TBCD: variants seen among roughly 807,000 people sequenced by gnomAD.
The protein encoded by TBCD is tubulin folding cofactor D, also known as tubulin-specific chaperone D.
TBCD carries 105 observed loss-of-function variants against 169.3 expected under a neutral mutation model. The ratio of observed to expected loss-of-function variants is 0.62; its 90% CI spans 0.53 to 0.73. The LOEUF is 0.73. Ranked by LOEUF, TBCD falls within the 30% of genes least tolerant of loss-of-function variation. TBCD has a pLI of 0.00. For missense variants in TBCD, 1,444 were observed against 1,600.1 expected (o/e 0.90, Z 1.66); for synonymous variants, 700 against 643.9 (o/e 1.09, Z -1.32).
In TBCD at chr17:82,923,945, G is replaced by A. The variant is rs1036213027; in HGVS notation, c.2260+212G>A. 3.5e-4 allele frequency among the ~76,000 whole-genome samples: 53 copies of A among 152,248 alleles called. No individual in the cohort carries two copies. Among genetic ancestry groups the A allele is most frequent in the African/African-American group, 1.3e-3 (52 of 41,540 alleles). On this transcript the variant is annotated intron_variant, in intron 26 of 38. Coordinates refer to ENST00000355528, the MANE Select transcript of TBCD (RefSeq NM_005993.5). This position sits in a 1 kb window ranked among gnomAD's most constrained non-coding sequence, Gnocchi z 4.6. Reference sequence around the variant, plus strand: ...AGGATGTTGCATCAGCTCTGAACAGGTGGCTCAGCAGGGACGCGTCTCTGT... The same window carrying A: ...AGGATGTTGCATCAGCTCTGAACAGATGGCTCAGCAGGGACGCGTCTCTGT...
At position 82,824,763 on chromosome 17, in the gene TBCD, C is replaced by T. The variant is rs1362097649; in HGVS notation, c.1318+9829C>T. 3.3e-5 allele frequency among the ~76,000 whole-genome samples: 5 copies of T among 151,792 alleles called. No individual in the cohort carries two copies. In the South Asian group the frequency reaches 8.3e-4, roughly 25 times the overall value. Reference sequence around the variant, plus strand: ...GACATGGATACAAGAACCTGTTTGACACCCCTTTTTTTAGTTCCTTTGGGT... The same window carrying T: ...GACATGGATACAAGAACCTGTTTGATACCCCTTTTTTTAGTTCCTTTGGGT... On this transcript the variant is annotated intron_variant, in intron 13 of 38. Coordinates refer to ENST00000355528, the MANE Select transcript of TBCD (RefSeq NM_005993.5).
chr17:82,866,498 G>A (rs993231571), intron 13 of TBCD, among the ~76,000 whole-genome samples: 1 of 152,250 alleles, frequency 6.6e-6, no homozygotes, highest in Non-Finnish European at 1.5e-5. Context: ...CAGCAGCCAG[G>A]CCTTGGCAGC....
In TBCD at chr17:82,831,862, G is replaced by T; in HGVS notation, c.1318+16928G>T. The T allele has an allele frequency of 6.2e-7, 1 of 1,614,156 alleles. No individual in the cohort carries two copies. Among genetic ancestry groups the T allele is most frequent in the South Asian group, 1.1e-5 (1 of 91,074 alleles). ...GGGGTAGCCAGGAGTGTGGAAGGCC[G>T]ACTTGGTGTGGAAAGACACGGCCTT... is the stretch of plus-strand genomic sequence containing the variant. On this transcript the variant is annotated intron_variant, in intron 13 of 38. Coordinates refer to ENST00000355528, the MANE Select transcript of TBCD (RefSeq NM_005993.5). This position sits in a 1 kb window ranked among gnomAD's most constrained non-coding sequence, Gnocchi z 4.6.
intron 13 of TBCD, among the ~76,000 whole-genome samples, chr17:82,854,962 C>A (rs2056124810): frequency 6.6e-6 from 1 of 152,208 alleles, no homozygotes; most frequent in Non-Finnish European, 1.5e-5. Flanking sequence ...AAAGGCCACA[C>A]CTCCTAACAC....
At chr17:82,796,421 G>A (rs2050111700) in intron 7 of TBCD, among the ~76,000 whole-genome samples, 1 of 152,230 alleles carries the variant, frequency 6.6e-6, no homozygotes, top group African/African-American at 2.4e-5. Flanking sequence ...GGCAAACAAG[G>A]ATCATCTCCA....
intron 1 of TBCD, among the ~76,000 whole-genome samples, chr17:82,754,017 C>G (rs1234054521): frequency 2.6e-5 from 4 of 151,854 alleles, no homozygotes; most frequent in Non-Finnish European, 5.9e-5. Flanking sequence ...GCTGGGACTA[C>G]AGGTGCGCGC....
At chr17:82,755,298 T>A (rs541590890) in intron 1 of TBCD, among the ~76,000 whole-genome samples, 101 of 152,336 alleles carry the variant, frequency 6.6e-4, no homozygotes, top group Non-Finnish European at 1.3e-3. Context: ...TTGTAAATGC[T>A]TTTCATCAGA....
Position 82,756,223 on chromosome 17 carries a change from T to A in TBCD, c.235+8T>A, listed in dbSNP as rs534470369. ...TGTTGGACCCGCACCTTGGTAAGAATAGAAGCTGCTGATTTTGATCATTCA... is the reference window on the plus strand; with the variant it reads ...TGTTGGACCCGCACCTTGGTAAGAAAAGAAGCTGCTGATTTTGATCATTCA... On this transcript the variant is annotated splice_region_variant and intron_variant, in intron 2 of 38. Coordinates refer to ENST00000355528, the MANE Select transcript of TBCD (RefSeq NM_005993.5). 1.2e-6 allele frequency: 2 copies of A among 1,606,980 alleles called. No homozygotes were observed. The highest frequency in any genetic ancestry group is 2.2e-5 in the East Asian group (1 of 44,696).
chr17:82,773,412 T>C (rs767759850), intron 6 of TBCD, among the ~76,000 whole-genome samples: 86 of 152,202 alleles, frequency 5.7e-4, no homozygotes, highest in Non-Finnish European at 1.1e-3. Context: ...CAGAGGCTGC[T>C]TCCTGTCTTG....
At chr17:82,752,864 C>T (rs935339462) in intron 1 of TBCD, among the ~76,000 whole-genome samples, 3 of 152,144 alleles carry the variant, frequency 2.0e-5, no homozygotes, top group African/African-American at 7.2e-5. Flanking sequence ...AGGGAACAAA[C>T]CTGCTGCAAA....
chr17:82,923,870 G>C lies in TBCD; in HGVS notation c.2260+137G>C. On this transcript the variant is annotated intron_variant, in intron 26 of 38. Transcript: ENST00000355528. This position sits in a 1 kb window ranked among gnomAD's most constrained non-coding sequence, Gnocchi z 4.6. ...GATCATGGCTGGAGTGGGACTGTTC[G>C]GGTCTCAGGTTCCCAGCCGAGGAGC... 1.4e-6 allele frequency: 1 copy of C among 698,432 alleles called. No homozygotes were observed. Among genetic ancestry groups the C allele is most frequent in the South Asian group, 2.0e-5 (1 of 49,044 alleles). The allele number at this position is 698,432 out of a possible 1,614,324, so 43.3% of individuals were successfully genotyped here.
At chr17:82,775,224 C>T (rs150537640) in intron 6 of TBCD, among the ~76,000 whole-genome samples, 2 of 152,352 alleles carry the variant, frequency 1.3e-5, no homozygotes, top group African/African-American at 4.8e-5. Flanking sequence ...GCCTGGGATC[C>T]AGGAGAGGTG....
intron 13 of TBCD, among the ~76,000 whole-genome samples, chr17:82,834,022 G>T (rs1567857955): frequency 6.6e-6 from 1 of 151,836 alleles, no homozygotes; most frequent in African/African-American, 2.4e-5. Flanking sequence ...TCAGCTCACT[G>T]CAACCTCCGC....
Position 82,873,838 on chromosome 17 carries a change from G to A in TBCD, c.1475+3458G>A, listed in dbSNP as rs532850014. Among the ~76,000 whole-genome samples, 152 of 152,326 alleles carry A rather than the reference G, an allele frequency of 1.0e-3. 1 individual carries two copies. The highest frequency in any genetic ancestry group is 2.4e-4 in the Non-Finnish European group (16 of 68,038). On this transcript the variant is annotated intron_variant, in intron 14 of 38. Transcript: ENST00000355528. The stretch of plus-strand genomic sequence containing the variant: ...TTATTCTTAGGCCTGATTCACAGAG[G>A]CTGGGGCCACTCAGTGATCTGTTCG...
intron 16 of TBCD, chr17:82,893,159 T>C (rs2059260479): frequency 4.3e-6 from 1 of 230,496 alleles, no homozygotes; most frequent in Admixed American, 5.3e-5. Flanking sequence ...CCTGCCAGCT[T>C]TGTGGCACTT....
intron 33 of TBCD, among the ~76,000 whole-genome samples, chr17:82,931,714 T>C (rs1568082899): frequency 3.9e-5 from 6 of 152,196 alleles, no homozygotes; most frequent in Admixed American, 2.6e-4. Flanking sequence ...GGAGCCCAGC[T>C]CTCCTGTGTG....
At chr17:82,910,066 C>T (rs985790489) in intron 22 of TBCD, among the ~76,000 whole-genome samples, 4 of 152,258 alleles carry the variant, frequency 2.6e-5, no homozygotes, top group East Asian at 1.9e-4. Flanking sequence ...AGCCCAGGCT[C>T]ATCTGGGTTT....
intron 20 of TBCD, 27 bp from the exon 21 acceptor site, chr17:82,907,734 T>A: frequency 1.2e-6 from 2 of 1,613,184 alleles, no homozygotes; most frequent in Non-Finnish European, 1.7e-6. Context: ...GGAGTGTGAC[T>A]TCAGCTCTGT....
rs2059382963 is a variant in TBCD at position 82,894,981 on chromosome 17, A to C, written c.1649+1349A>C. Among the ~76,000 whole-genome samples the C allele has an allele frequency of 2.0e-5, 3 of 152,228 alleles. No homozygotes were observed. The South Asian group carries it at 6.2e-4, about 31-fold the overall frequency. ...GACAGAGTGAGACTCCATCTAAAGA[A>C]AAAGACAATCTACCACCTTTTCCCG... On this transcript the variant is annotated intron_variant, in intron 17 of 38. Coordinates refer to ENST00000355528, the MANE Select transcript of TBCD (RefSeq NM_005993.5).
Sources: gnomAD v4.1 joint callset for allele counts (sites outside exome capture counted in the v4.1 genomes callset) on GRCh38, gnomAD v4.1.1 for gene constraint, Gnocchi (gnomAD v3.1) non-coding constraint, MANE v1.5 for transcripts, NCBI Gene and HGNC (gene_info 2026-07-23, HGNC 2026-07-21) for gene names.